Variants in RYR2 observed in about 807,000 individuals in gnomAD.
The protein encoded by RYR2 is ryanodine receptor 2.
Under a neutral mutation model 601.1 loss-of-function variants are expected in RYR2, and 227 were observed. The observed-to-expected ratio is 0.38, with a 90% CI of 0.34 to 0.42. The LOEUF (loss-of-function observed/expected upper bound fraction) is 0.42. Ranked by LOEUF, RYR2 falls within the 10% of genes least tolerant of loss-of-function variation. The pLI is 1.00. For missense variants in RYR2, 4,646 were observed against 6,156.5 expected, an observed-to-expected ratio of 0.75 and a Z score of 8.21; for synonymous variants, 2,223 against 2,175.1, an observed-to-expected ratio of 1.02 and a Z score of -0.61.
At position 237,383,625 on chromosome 1, in the gene RYR2, T is replaced by A. The variant is rs1458202337; in HGVS notation, c.577-3656T>A. Among the ~76,000 whole-genome samples, 3 of 151,978 alleles carry A rather than the reference T, an allele frequency of 2.0e-5. No individual in the cohort carries two copies. In the East Asian group the frequency reaches 5.8e-4, roughly 29 times the overall value. On this transcript the variant is annotated intron_variant, in intron 8 of 104. Transcript: ENST00000366574. ...TTTATATTTTTAGTAGAGACGGGGC[T>A]TCACCGTGTTGGCCAGGATGGTCTC...
Position 237,830,606 on chromosome 1 carries a change from A to T in RYR2, c.14732A>T (p.Gln4911Leu). ...VPHGFETHTLQEHNLANYLFF... is the reference protein window; with the variant it reads ...VPHGFETHTLLEHNLANYLFF... ...CATGGCTTTGAAACCCACACTTTAC[A>T]GGAGCACAACTTGGCTAATTACTTG... The change falls in exon 103 of 105, where the codon CAG becomes CTG. Residue 4911 changes from glutamine (Q) to leucine (L), a missense_variant. By Grantham distance (113) the Gln-to-Leu change is moderately radical. Around this residue, in one of 17 missense-constraint regions of RYR2, gnomAD observed 55 missense variants for 204.7 expected, o/e 0.27. Coordinates refer to ENST00000366574, the MANE Select transcript of RYR2 (RefSeq NM_001035.3). The T allele has an allele frequency of 6.2e-7, 1 of 1,605,966 alleles. No homozygotes were observed. Among genetic ancestry groups the T allele is most frequent in the African/African-American group, 1.3e-5 (1 of 74,852 alleles).
chr1:237,478,570 A>C (rs1298936635), intron 17 of RYR2, among the ~76,000 whole-genome samples: 1 of 152,252 alleles, frequency 6.6e-6, no homozygotes, highest in East Asian at 1.9e-4. Context: ...GGAGAATTTC[A>C]GATGGAAACG....
chr1:237,721,882 C>A (rs1689748796), intron 73 of RYR2, among the ~76,000 whole-genome samples: 1 of 151,996 alleles, frequency 6.6e-6, no homozygotes, highest in African/African-American at 2.4e-5. Context: ...TATGTTCTAC[C>A]CCCATTAAAT....
intron 10 of RYR2, among the ~76,000 whole-genome samples, chr1:237,393,275 T>C (rs921173530): frequency 2.6e-5 from 4 of 152,172 alleles, no homozygotes; most frequent in African/African-American, 9.7e-5. Context: ...AAATGCTACA[T>C]TTGCTTCCCA....
intron 8 of RYR2, among the ~76,000 whole-genome samples, chr1:237,384,287 C>G (rs773876637): frequency 6.6e-6 from 1 of 152,218 alleles, no homozygotes; most frequent in Non-Finnish European, 1.5e-5. Context: ...TTTTTAACTC[C>G]GTCACCTATT....
chr1:237,331,075 T>C, intron 3 of RYR2, 93 bp downstream of exon 3: 2 of 1,074,920 alleles, frequency 1.9e-6, no homozygotes, highest in Non-Finnish European at 2.9e-6. Flanking sequence ...ATTTTCTTTT[T>C]GCTAAAATAA....
chr1:237,681,405 G>A (rs947389119), intron 62 of RYR2, among the ~76,000 whole-genome samples: 2 of 152,168 alleles, frequency 1.3e-5, no homozygotes, highest in African/African-American at 4.8e-5. Flanking sequence ...CCGTGAGAGG[G>A]TGGAGAAGTG....
intron 1 of RYR2, among the ~76,000 whole-genome samples, chr1:237,093,879 G>C (rs554452585): frequency 3.9e-5 from 6 of 152,366 alleles, no homozygotes; most frequent in Non-Finnish European, 8.8e-5. Context: ...ACCTTGAACA[G>C]CTGACTGAAC....
chr1:237,500,697 T>G lies in RYR2; in HGVS notation c.2204-14T>G, dbSNP rs767973692. 8 of 1,570,618 alleles carry G rather than the reference T, an allele frequency of 5.1e-6. No homozygotes were observed. In the East Asian group the frequency reaches 1.8e-4, roughly 35 times the overall value. ...AAAAATACATGACCTTCCTTAATGT[T>G]TTCCCCCCAATAGGTTGTATTGCTC... On this transcript the variant is annotated splice_polypyrimidine_tract_variant and intron_variant, in intron 20 of 104. Transcript: ENST00000366574.
At chr1:237,679,114 G>T (rs955827923) in intron 61 of RYR2, among the ~76,000 whole-genome samples, 1 of 152,048 alleles carries the variant, frequency 6.6e-6, no homozygotes, top group East Asian at 1.9e-4. Context: ...CACATAGTTA[G>T]CGATTCATGA....
At chr1:237,708,601 C>CT (rs912675696) in intron 68 of RYR2, among the ~76,000 whole-genome samples, 10 of 151,988 alleles carry the variant, frequency 6.6e-5, no homozygotes, top group East Asian at 1.9e-4. Context: ...GAGTGAAAGT[C>CT]TTTTTTTTCA....
rs536236003 is a variant in RYR2 at position 237,418,496 on chromosome 1, T to C, written c.848+1373T>C. ...ATTCTTGAACACTGTGAGGTTGACA[T>C]AGAAATCCTTTCATTATCAGTTTAG... is the stretch of plus-strand genomic sequence containing the variant. On this transcript the variant is annotated intron_variant, in intron 11 of 104. Coordinates refer to ENST00000366574, the MANE Select transcript of RYR2 (RefSeq NM_001035.3). Among the ~76,000 whole-genome samples, 214 of 152,336 alleles carry C rather than the reference T, an allele frequency of 1.4e-3. 2 individuals carry two copies. Among genetic ancestry groups the C allele is most frequent in the Admixed American group, 2.2e-3 (33 of 15,300 alleles).
At chr1:237,419,146 A>G (rs1043512121) in intron 11 of RYR2, among the ~76,000 whole-genome samples, 1 of 152,240 alleles carries the variant, frequency 6.6e-6, no homozygotes, top group Admixed American at 6.5e-5. Context: ...AATTGTCACT[A>G]TAAGTGCAGT....
At chr1:237,550,813 A>C in intron 27 of RYR2, 122 bp downstream of exon 27, 4 of 1,085,434 alleles carry the variant, frequency 3.7e-6, no homozygotes, top group Non-Finnish European at 5.1e-6. Flanking sequence ...GTGGAATTTC[A>C]GCCAAGTGGA....
At chr1:237,121,389 C>G (rs1670761259) in intron 1 of RYR2, among the ~76,000 whole-genome samples, 2 of 152,120 alleles carry the variant, frequency 1.3e-5, no homozygotes, top group South Asian at 4.1e-4. Flanking sequence ...AAAGAGAGAG[C>G]ACTCAACTCC....
chr1:237,353,511 GAAAAAAAAAA>G (rs61606386), intron 3 of RYR2, among the ~76,000 whole-genome samples: 1 of 52,724 alleles, frequency 1.9e-5, no homozygotes, highest in South Asian at 7.8e-4. Flanking sequence ...TCCGTCTCAA[GAAAAAAAAAA>G]AAAAAAAAAA....
At chr1:237,748,949 G>A (rs1294342952) in intron 80 of RYR2, among the ~76,000 whole-genome samples, 1 of 152,140 alleles carries the variant, frequency 6.6e-6, no homozygotes, top group African/African-American at 2.4e-5. Flanking sequence ...TTTATTATAA[G>A]GGATCTAGAG....
rs555920831 is a variant in RYR2, at chr1:237,594,593, T to A, written c.4437-905T>A. Among the ~76,000 whole-genome samples the A allele has an allele frequency of 2.3e-3, 354 of 152,222 alleles. 1 individual carries two copies. Among genetic ancestry groups the A allele is most frequent in the Non-Finnish European group, 3.4e-3 (233 of 68,014 alleles). On this transcript the variant is annotated intron_variant, in intron 33 of 104. Transcript: ENST00000366574. ...TAGGGATGGGATAACTGAAAGATGA[T>A]TTTGTTGGAGGAAATGGAAGATAGG...
intron 1 of RYR2, among the ~76,000 whole-genome samples, chr1:237,229,563 T>C (rs1010152451): frequency 6.6e-6 from 1 of 152,080 alleles, no homozygotes; most frequent in Non-Finnish European, 1.5e-5. Context: ...AGTGACCCTA[T>C]AATGGGGAAA....
Sources: allele counts gnomAD v4.1 joint callset (sites outside exome capture counted in the v4.1 genomes callset), GRCh38; gene constraint gnomAD v4.1.1; regional missense constraint gnomAD v4.1.1; transcripts MANE v1.5; gene names NCBI Gene and HGNC (gene_info 2026-07-23, HGNC 2026-07-21).